The following CCDC138 variants were observed in gnomAD, a reference collection of about 807,000 sequenced individuals.
CCDC138 encodes coiled-coil domain containing 138.
Under a neutral mutation model 82.3 loss-of-function variants are expected in CCDC138, and 66 were observed. The ratio of observed to expected loss-of-function variants is 0.80; its 90% CI spans 0.66 to 0.98. The LOEUF (loss-of-function observed/expected upper bound fraction) is 0.98. Among genes scored for constraint, CCDC138 ranks in the 50% least tolerant of loss-of-function variants. The pLI, the probability that CCDC138 is intolerant of heterozygous loss-of-function variation, is 0.00. For missense variants in CCDC138, 816 were observed against 758.9 expected (o/e 1.08, Z -0.88); for synonymous variants, 297 against 265.4 (o/e 1.12, Z -1.16).
chr2:108,862,139 C>A (rs115344441), intron 13 of CCDC138, among the ~76,000 whole-genome samples: 2,080 of 144,252 alleles, frequency 0.014, 51 homozygotes, highest in African/African-American at 0.051. Flanking sequence ...GAGTATGTTT[C>A]ACATGCAGAT....
chr2:108,855,270 G>C (rs1279420383), intron 12 of CCDC138, among the ~76,000 whole-genome samples: 2 of 152,052 alleles, frequency 1.3e-5, no homozygotes, highest in African/African-American at 4.8e-5. Flanking sequence ...AATCCTCAAG[G>C]ACAATTTTTT....
chr2:108,809,718 AT>A (rs2149778818), intron 7 of CCDC138, among the ~76,000 whole-genome samples: 1 of 152,172 alleles, frequency 6.6e-6, no homozygotes, highest in Non-Finnish European at 1.5e-5. Flanking sequence ...GTTCTGAGAA[AT>A]TTTTGGTGGA....
intron 11 of CCDC138, among the ~76,000 whole-genome samples, chr2:108,843,443 C>G (rs547130965): frequency 1.3e-5 from 2 of 152,240 alleles, no homozygotes; most frequent in Non-Finnish European, 2.9e-5. Flanking sequence ...CAGGCATAAG[C>G]CACCGCACCT....
At position 108,854,292 on chromosome 2, in the gene CCDC138, G is replaced by A. The variant is rs147964546; in HGVS notation, c.1517-2502G>A. Reference sequence around the variant, plus strand: ...GTTAATAGGAAGGTTTGATTTGGTAGGAAGCCAGTATAATGTAGTAGTTAC... The same window carrying A: ...GTTAATAGGAAGGTTTGATTTGGTAAGAAGCCAGTATAATGTAGTAGTTAC... On this transcript the variant is annotated intron_variant, in intron 12 of 14. Coordinates refer to ENST00000295124, the MANE Select transcript of CCDC138 (RefSeq NM_144978.3). Among the ~76,000 whole-genome samples, 670 of 151,284 alleles carry A rather than the reference G, an allele frequency of 4.4e-3. 4 individuals are homozygous for A. Among genetic ancestry groups the A allele is most frequent in the African/African-American group, 0.016 (641 of 41,228 alleles).
At chr2:108,789,347 C>T (rs1455072234) in intron 3 of CCDC138, among the ~76,000 whole-genome samples, 1 of 152,152 alleles carries the variant, frequency 6.6e-6, no homozygotes, top group African/African-American at 2.4e-5. Flanking sequence ...AATCCCAGCA[C>T]TTTGGGAGGC....
At chr2:108,811,245 C>CTTTTTTTTTTTTTTTTTTT (rs144518921) in intron 7 of CCDC138, among the ~76,000 whole-genome samples, 22 of 109,608 alleles carry the variant, frequency 2.0e-4, no homozygotes, top group African/African-American at 8.4e-4. Flanking sequence ...CTTTCTCTCT[C>CTTTTTTTTTTTTTTTTTTT]TCTTTTTTTT....
At chr2:108,859,328 T>C (rs1013477274) in intron 13 of CCDC138, among the ~76,000 whole-genome samples, 1 of 152,206 alleles carries the variant, frequency 6.6e-6, no homozygotes, top group Non-Finnish European at 1.5e-5. Context: ...TTTGCAGATA[T>C]TTTCTCCCAT....
chr2:108,786,758 G>A, upstream of CCDC138: 1 of 1,445,532 alleles, frequency 6.9e-7, no homozygotes, highest in Non-Finnish European at 9.5e-7. Flanking sequence ...ACGCACTGCG[G>A]CCGCGTAGCG....
At chr2:108,821,560 A>C (rs1366937869) in intron 10 of CCDC138, among the ~76,000 whole-genome samples, 1 of 152,240 alleles carries the variant, frequency 6.6e-6, no homozygotes, top group Non-Finnish European at 1.5e-5. Context: ...AACACACACA[A>C]AAATCAGTGA....
intron 9 of CCDC138, among the ~76,000 whole-genome samples, chr2:108,813,735 A>C (rs376064229): frequency 1.3e-5 from 2 of 152,338 alleles, no homozygotes; most frequent in African/African-American, 2.4e-5. Flanking sequence ...TACTTCCACT[A>C]TCCTAGAATA....
chr2:108,858,065 C>G (rs576809317), intron 13 of CCDC138, among the ~76,000 whole-genome samples: 17 of 152,256 alleles, frequency 1.1e-4, no homozygotes, highest in African/African-American at 3.9e-4. Flanking sequence ...CAAATTCAGC[C>G]AGGTGCAGTG....
At chr2:108,866,632 C>T (rs1323060131) in intron 13 of CCDC138, among the ~76,000 whole-genome samples, 2 of 152,160 alleles carry the variant, frequency 1.3e-5, no homozygotes, top group Non-Finnish European at 2.9e-5. Flanking sequence ...TGCCTGTAAT[C>T]CCAGCACTTT....
chr2:108,806,395 A>T (rs1260883396), intron 7 of CCDC138, among the ~76,000 whole-genome samples: 1 of 152,184 alleles, frequency 6.6e-6, no homozygotes, highest in Non-Finnish European at 1.5e-5. Context: ...GGATATGTGG[A>T]TTATTAAATA....
chr2:108,874,127 C>A (rs1024977810), intron 14 of CCDC138, among the ~76,000 whole-genome samples: 5 of 152,018 alleles, frequency 3.3e-5, no homozygotes, highest in African/African-American at 1.2e-4. Flanking sequence ...AGAATAAATT[C>A]TTGCATACTG....
chr2:108,814,647 T>A (rs1684447724), intron 9 of CCDC138, among the ~76,000 whole-genome samples: 1 of 151,344 alleles, frequency 6.6e-6, no homozygotes, highest in Non-Finnish European at 1.5e-5. Flanking sequence ...TTTGTTTTTT[T>A]ATTTTTTAAT....
chr2:108,843,817 C>T (rs2150538092), intron 11 of CCDC138, among the ~76,000 whole-genome samples: 1 of 140,040 alleles, frequency 7.1e-6, no homozygotes, highest in East Asian at 2.1e-4. Context: ...AGGAAGTTTT[C>T]AGTCATTATT....
chr2:108,855,499 A>AG (rs1692434024), intron 12 of CCDC138, among the ~76,000 whole-genome samples: 1 of 152,106 alleles, frequency 6.6e-6, no homozygotes, highest in Non-Finnish European at 1.5e-5. Context: ...AAAAAAAAAA[A>AG]AGGATGTTTC....
intron 2 of CCDC138, chr2:108,885,003 T>C (rs1250676164): frequency 6.6e-6 from 1 of 152,228 alleles, no homozygotes; most frequent in Non-Finnish European, 1.5e-5. Context: ...AAGGAGCTAA[T>C]TGGAATATTG....
At chr2:108,847,130 C>T (rs769587390) in intron 12 of CCDC138, among the ~76,000 whole-genome samples, 200 bp downstream of exon 12, 14 of 152,202 alleles carry the variant, frequency 9.2e-5, no homozygotes, top group Non-Finnish European at 1.6e-4. Flanking sequence ...CTTGCCTCCT[C>T]CCAAGAGGCC....
Sources: allele counts gnomAD v4.1 joint callset (sites outside exome capture counted in the v4.1 genomes callset), GRCh38; gene constraint gnomAD v4.1.1; transcripts MANE v1.5; gene names NCBI Gene and HGNC (gene_info 2026-07-23, HGNC 2026-07-21).